Variants in CNTNAP2 observed in about 807,000 individuals in gnomAD.
CNTNAP2 encodes contactin associated protein 2, also known as contactin-associated protein-like 2.
In CNTNAP2, 98 loss-of-function variants were observed where a neutral mutation model predicts 155.2. The observed-to-expected ratio is 0.63, with a 90% CI of 0.54 to 0.75. The LOEUF (loss-of-function observed/expected upper bound fraction) is 0.75, where lower values mean the gene tolerates loss of function less well. Among genes scored for constraint, CNTNAP2 ranks in the 30% least tolerant of loss-of-function variants. The pLI is 0.00. For synonymous variants in CNTNAP2, 651 were observed against 631.2 expected, an observed-to-expected ratio of 1.03 and a Z score of -0.47; for missense variants, 1,727 against 1,688.1, an observed-to-expected ratio of 1.02 and a Z score of -0.40.
At chr7:148,197,155 T>C (rs1461676939) in intron 18 of CNTNAP2, among the ~76,000 whole-genome samples, 2 of 152,194 alleles carry the variant, frequency 1.3e-5, no homozygotes, top group Non-Finnish European at 2.9e-5. Flanking sequence ...ATAAATTTAC[T>C]TCAAATAGCA....
intron 18 of CNTNAP2, among the ~76,000 whole-genome samples, chr7:148,194,140 T>TGG: frequency 6.7e-6 from 1 of 149,096 alleles, no homozygotes; most frequent in South Asian, 2.1e-4. Context: ...CTGGCTAGTG[T>TGG]GTGTGTGTGT....
At chr7:147,913,274 A>C (rs150669780) in intron 14 of CNTNAP2, among the ~76,000 whole-genome samples, 151 of 152,346 alleles carry the variant, frequency 9.9e-4, no homozygotes, top group African/African-American at 3.5e-3. Context: ...TCAACAGAAA[A>C]ATCACTTCGC....
At chr7:146,206,357 C>T (rs993916671) in intron 1 of CNTNAP2, among the ~76,000 whole-genome samples, 3 of 151,754 alleles carry the variant, frequency 2.0e-5, no homozygotes, top group Non-Finnish European at 3.0e-5. Context: ...ATTTCTGAAA[C>T]GTATCATTTC....
At chr7:148,007,718 A>G (rs566090326) in intron 15 of CNTNAP2, among the ~76,000 whole-genome samples, 8 of 152,316 alleles carry the variant, frequency 5.3e-5, no homozygotes, top group African/African-American at 1.9e-4. Flanking sequence ...GTATGATTCT[A>G]GCTTCCCTTG....
At chr7:148,385,224 A>G (rs948793204) in intron 22 of CNTNAP2, among the ~76,000 whole-genome samples, 1 of 152,186 alleles carries the variant, frequency 6.6e-6, no homozygotes, top group Non-Finnish European at 1.5e-5. Context: ...AGACGAAACA[A>G]TCCTCTTTGT....
chr7:146,898,665 G>A (rs1329772894), intron 3 of CNTNAP2, among the ~76,000 whole-genome samples: 2 of 151,870 alleles, frequency 1.3e-5, no homozygotes, highest in Non-Finnish European at 2.9e-5. Context: ...TTTTGTCTTT[G>A]TGGTACCTAA....
At chr7:148,203,290 A>G (rs1031431902) in intron 18 of CNTNAP2, among the ~76,000 whole-genome samples, 1 of 152,194 alleles carries the variant, frequency 6.6e-6, no homozygotes. Context: ...CATACCTACT[A>G]TGTGCTAGGA....
intron 10 of CNTNAP2, among the ~76,000 whole-genome samples, chr7:147,476,308 T>C (rs918652719): frequency 6.6e-6 from 1 of 151,958 alleles, no homozygotes; most frequent in Non-Finnish European, 1.5e-5. Context: ...GGTTTCACCG[T>C]GTTAACCAGG....
intron 9 of CNTNAP2, among the ~76,000 whole-genome samples, chr7:147,309,242 C>A (rs924434133): frequency 7.2e-5 from 11 of 152,158 alleles, no homozygotes; most frequent in African/African-American, 2.7e-4. Flanking sequence ...TACTTGGTTA[C>A]CCTATCTCAC....
intron 14 of CNTNAP2, among the ~76,000 whole-genome samples, chr7:147,920,477 G>A (rs1017152345): frequency 1.1e-4 from 17 of 152,094 alleles, no homozygotes; most frequent in African/African-American, 2.4e-5. Context: ...GGATGTGCAG[G>A]GCCTTCGTTC....
intron 14 of CNTNAP2, among the ~76,000 whole-genome samples, chr7:147,931,325 A>G (rs535650932): frequency 7.0e-4 from 107 of 152,152 alleles, no homozygotes; most frequent in African/African-American, 2.4e-3. Context: ...AAAAGGAGAC[A>G]TTACAACCTG....
At chr7:146,248,378 C>T (rs948894608) in intron 1 of CNTNAP2, among the ~76,000 whole-genome samples, 2 of 152,066 alleles carry the variant, frequency 1.3e-5, no homozygotes, top group African/African-American at 4.8e-5. Flanking sequence ...GGTGAAGGAC[C>T]AAGGCAGGCA....
intron 1 of CNTNAP2, among the ~76,000 whole-genome samples, chr7:146,591,547 A>G (rs755346769): frequency 1.3e-5 from 2 of 152,214 alleles, no homozygotes; most frequent in East Asian, 1.9e-4. Context: ...ATGAGTGTCA[A>G]TGAGGAGACT....
At chr7:148,258,290 A>G (rs1210559738) in intron 20 of CNTNAP2, among the ~76,000 whole-genome samples, 1 of 152,222 alleles carries the variant, frequency 6.6e-6, no homozygotes, top group Non-Finnish European at 1.5e-5. Context: ...AGGGAGGATC[A>G]GGAACAGAGC....
intron 1 of CNTNAP2, among the ~76,000 whole-genome samples, chr7:146,211,130 G>T (rs576602056): frequency 5.0e-4 from 76 of 152,202 alleles, no homozygotes; most frequent in Middle Eastern, 3.4e-3. Context: ...TGCACCAAAC[G>T]ATGCAAAATA....
At chr7:147,772,195 G>C (rs1797480624) in intron 13 of CNTNAP2, among the ~76,000 whole-genome samples, 1 of 151,640 alleles carries the variant, frequency 6.6e-6, no homozygotes, top group South Asian at 2.1e-4. Context: ...GGAGGCCAAG[G>C]CGGGTGGATC....
chr7:146,633,173 A>C (rs1048526292), intron 1 of CNTNAP2, among the ~76,000 whole-genome samples: 1 of 152,160 alleles, frequency 6.6e-6, no homozygotes, highest in Non-Finnish European at 1.5e-5. Flanking sequence ...CACCCCGTAG[A>C]TTATACTTTT....
chr7:147,251,464 T>A (rs1197045787), intron 8 of CNTNAP2, among the ~76,000 whole-genome samples: 5 of 152,106 alleles, frequency 3.3e-5, no homozygotes, highest in African/African-American at 1.2e-4. Context: ...GTAGGTAGGT[T>A]ATGTGTGGTT....
chr7:147,937,965 T>C (rs937130847), intron 14 of CNTNAP2, among the ~76,000 whole-genome samples: 3 of 152,188 alleles, frequency 2.0e-5, no homozygotes, highest in Non-Finnish European at 4.4e-5. Flanking sequence ...ATCTTAACCA[T>C]GGTTAATTCT....
Sources: allele counts gnomAD v4.1 joint callset (sites outside exome capture counted in the v4.1 genomes callset), GRCh38; gene constraint gnomAD v4.1.1; transcripts MANE v1.5; gene names NCBI Gene and HGNC (gene_info 2026-07-23, HGNC 2026-07-21).